The following ADAM22 variants were observed in gnomAD, a reference collection of about 807,000 sequenced individuals.
The protein encoded by ADAM22 is disintegrin and metalloproteinase domain-containing protein 22.
In ADAM22, 65 loss-of-function variants were observed where a neutral mutation model predicts 144.6. The ratio of observed to expected loss-of-function variants is 0.45; its 90% confidence interval spans 0.37 to 0.55. The LOEUF is 0.55. Among genes scored for constraint, ADAM22 ranks in the 20% least tolerant of loss-of-function variants. The probability of loss-of-function intolerance (pLI) is 0.00; values close to 1 mark genes in which losing one functional copy is unlikely to be tolerated. For synonymous variants in ADAM22, 391 were observed against 412.6 expected (o/e 0.95, Z 0.63); for missense variants, 974 against 1,184.9 (o/e 0.82, Z 2.61).
Position 88,045,079 on chromosome 7 carries a change from G to A in ADAM22, c.324-30547G>A, listed in dbSNP as rs763058907. Reference sequence around the variant, plus strand: ...GTTGCCCAGGCTGGAGTACAATGGCGTGATCTCAGCTCACTGCAACCTCCG... The same window carrying A: ...GTTGCCCAGGCTGGAGTACAATGGCATGATCTCAGCTCACTGCAACCTCCG... On this transcript the variant is annotated intron_variant, in intron 3 of 31. Transcript: ENST00000413139. Among the ~76,000 whole-genome samples the A allele has an allele frequency of 7.3e-5, 11 of 150,810 alleles. No individual in the cohort carries two copies. The East Asian group carries it at 1.2e-3, about 16-fold the overall frequency.
intron 3 of ADAM22, among the ~76,000 whole-genome samples, chr7:88,017,685 G>C (rs1796849272): frequency 6.6e-6 from 1 of 151,754 alleles, no homozygotes; most frequent in African/African-American, 2.4e-5. Flanking sequence ...CTTCCACCTA[G>C]TTTCTACGTC....
intron 3 of ADAM22, among the ~76,000 whole-genome samples, chr7:88,048,522 G>A (rs1292269778): frequency 6.6e-6 from 1 of 151,902 alleles, no homozygotes; most frequent in African/African-American, 2.4e-5. Flanking sequence ...GTTTATGTTA[G>A]GTAAAAAATT....
chr7:88,006,600 T>C (rs927570941), intron 3 of ADAM22, among the ~76,000 whole-genome samples: 13 of 147,554 alleles, frequency 8.8e-5, no homozygotes, highest in African/African-American at 1.2e-4. Flanking sequence ...GTTCAATGTA[T>C]GCAAATCAAT....
chr7:87,985,082 G>C (rs1788133506), intron 3 of ADAM22, among the ~76,000 whole-genome samples: 1 of 151,538 alleles, frequency 6.6e-6, no homozygotes, highest in Non-Finnish European at 1.5e-5. Flanking sequence ...GGGAGGCTGA[G>C]GCGGGCGGAT....
At chr7:88,123,340 A>G (rs1401820453) in intron 7 of ADAM22, among the ~76,000 whole-genome samples, 1 of 151,696 alleles carries the variant, frequency 6.6e-6, no homozygotes, top group Non-Finnish European at 1.5e-5. Flanking sequence ...TTTCTTCCTT[A>G]AATCTTTGGT....
chr7:87,985,051 C>T (rs771151137), intron 3 of ADAM22, among the ~76,000 whole-genome samples: 1 of 150,894 alleles, frequency 6.6e-6, no homozygotes, highest in African/African-American at 2.4e-5. Context: ...CGGTGGCTCA[C>T]GCGTGTAATC....
At position 88,033,435 on chromosome 7, in the gene ADAM22, G is replaced by T. The variant is rs193291389; in HGVS notation, c.324-42191G>T. On this transcript the variant is annotated intron_variant, in intron 3 of 31. Coordinates refer to ENST00000413139, the MANE Select transcript of ADAM22 (RefSeq NM_001324418.2). The stretch of plus-strand genomic sequence containing the variant: ...TGTGCTGGGCTGCCTGGGGCTGAGT[G>T]TCGGGGTGACACAATCACCCATGTG... Among the ~76,000 whole-genome samples, 401 of 152,340 alleles carry T rather than the reference G, an allele frequency of 2.6e-3. 5 individuals are homozygous for T. The highest frequency in any genetic ancestry group is 9.1e-3 in the African/African-American group (380 of 41,584).
chr7:88,002,696 A>G (rs1792861867), intron 3 of ADAM22, among the ~76,000 whole-genome samples: 1 of 152,242 alleles, frequency 6.6e-6, no homozygotes, highest in Non-Finnish European at 1.5e-5. Flanking sequence ...ATGAGGACAG[A>G]TCAGTACAAG....
At chr7:88,108,859 TTAAA>T (rs1825255443) in intron 5 of ADAM22, among the ~76,000 whole-genome samples, 2 of 152,066 alleles carry the variant, frequency 1.3e-5, no homozygotes, top group African/African-American at 4.8e-5. Context: ...CTCAAAAAAA[TTAAA>T]TAAAATTAGA....
intron 2 of ADAM22, among the ~76,000 whole-genome samples, chr7:87,949,458 C>T (rs1844494024): frequency 6.6e-6 from 1 of 152,184 alleles, no homozygotes. Context: ...TCTTTTCCAA[C>T]AAAAATAAAT....
At chr7:88,051,617 G>A (rs973961018) in intron 3 of ADAM22, among the ~76,000 whole-genome samples, 9 of 152,002 alleles carry the variant, frequency 5.9e-5, no homozygotes, top group Admixed American at 5.9e-4. Flanking sequence ...GAGTTAGTGG[G>A]TGCAGCACAC....
intron 2 of ADAM22, among the ~76,000 whole-genome samples, chr7:87,947,594 C>G (rs539674562): frequency 3.3e-5 from 5 of 151,650 alleles, no homozygotes; most frequent in African/African-American, 1.2e-4. Flanking sequence ...ATTTCTGAGA[C>G]AAGTTTAGCA....
chr7:88,126,979 C>A (rs537473726), intron 8 of ADAM22, among the ~76,000 whole-genome samples: 6 of 152,006 alleles, frequency 3.9e-5, no homozygotes, highest in East Asian at 1.9e-4. Flanking sequence ...GTGCTTATAA[C>A]CGCATATACG....
intron 3 of ADAM22, among the ~76,000 whole-genome samples, chr7:88,038,064 G>T (rs908766716): frequency 1.3e-5 from 2 of 152,152 alleles, no homozygotes; most frequent in African/African-American, 4.8e-5. Context: ...TAAGTGTTGG[G>T]AAACCAGACA....
chr7:88,030,926 C>T (rs1006868432), intron 3 of ADAM22, among the ~76,000 whole-genome samples: 2 of 152,078 alleles, frequency 1.3e-5, no homozygotes, highest in African/African-American at 4.8e-5. Flanking sequence ...ACCATCCTGG[C>T]TAACACAGTG....
At position 87,973,907 on chromosome 7, in the gene ADAM22, G is replaced by C. The variant is rs1851181886; in HGVS notation, c.247-4429G>C. On this transcript the variant is annotated intron_variant, in intron 2 of 31. Transcript: ENST00000413139. The stretch of plus-strand genomic sequence containing the variant: ...GAACAATGAGAACACATGAACACAA[G>C]AAGGGGAACATCACACACCGGGGAC... 1.3e-5 allele frequency among the ~76,000 whole-genome samples: 2 copies of C among 151,880 alleles called. 1 individual carries two copies.
intron 2 of ADAM22, among the ~76,000 whole-genome samples, chr7:87,972,780 A>G (rs1018560703): frequency 1.9e-4 from 29 of 152,210 alleles, no homozygotes; most frequent in Non-Finnish European, 3.7e-4. Context: ...GCCCTCAGAA[A>G]TAACACCGCA....
chr7:88,067,268 T>C (rs1387305217), intron 3 of ADAM22, among the ~76,000 whole-genome samples: 1 of 151,710 alleles, frequency 6.6e-6, no homozygotes, highest in Non-Finnish European at 1.5e-5. Context: ...AATTATACTT[T>C]AAGTTTTAGG....
chr7:88,169,524 A>G (rs1376581916), intron 25 of ADAM22, among the ~76,000 whole-genome samples: 1 of 152,066 alleles, frequency 6.6e-6, no homozygotes, highest in African/African-American at 2.4e-5. Flanking sequence ...CTCACAAGCA[A>G]TTGCCATATA....
Sources: allele counts gnomAD v4.1 joint callset (sites outside exome capture counted in the v4.1 genomes callset), GRCh38; gene constraint gnomAD v4.1.1; transcripts MANE v1.5; gene names NCBI Gene and HGNC (gene_info 2026-07-23, HGNC 2026-07-21).